Variants in SRSF12 observed in about 807,000 individuals in gnomAD.
The protein encoded by SRSF12 is serine and arginine rich splicing factor 12.
Under a neutral mutation model 34.1 loss-of-function variants are expected in SRSF12, and 21 were observed. The ratio of observed to expected loss-of-function variants is 0.62; its 90% CI spans 0.44 to 0.89. SRSF12 has a LOEUF of 0.89. Ranked by LOEUF, SRSF12 falls within the 40% of genes least tolerant of loss-of-function variation. The pLI, the probability that SRSF12 is intolerant of heterozygous loss-of-function variation, is 0.00. For synonymous variants in SRSF12, 111 were observed against 110.8 expected (o/e 1.00, Z -0.01); for missense variants, 278 against 327.8 (o/e 0.85, Z 1.17).
rs559523547 is a variant in SRSF12, at chr6:89,101,539, T to A, written c.417-2592A>T. ...GAGTTCCAGACCAGCCTGGCCAACA[T>A]GGAGAAACTCCGCCTCTACTAAAAA... On this transcript the variant is annotated intron_variant, in intron 4 of 4. Transcript: ENST00000452027. Among the ~76,000 whole-genome samples, 879 of 152,020 alleles carry A rather than the reference T, an allele frequency of 5.8e-3. 7 individuals are homozygous for A. The highest frequency in any genetic ancestry group is 0.019 in the South Asian group (93 of 4,810).
At chr6:89,111,628 T>C (rs898210172) in intron 1 of SRSF12, among the ~76,000 whole-genome samples, 7 of 152,168 alleles carry the variant, frequency 4.6e-5, no homozygotes, top group African/African-American at 1.7e-4. Flanking sequence ...TTGTATTTTA[T>C]ATCTTTTTTC....
chr6:89,103,121 A>G (rs140908388), intron 4 of SRSF12, among the ~76,000 whole-genome samples: 48 of 152,244 alleles, frequency 3.2e-4, no homozygotes, highest in Non-Finnish European at 6.5e-4. Flanking sequence ...CAATGGTCTT[A>G]TAACAAGTAC....
At chr6:89,099,692 C>T (rs191833649) in intron 4 of SRSF12, among the ~76,000 whole-genome samples, 196 of 152,072 alleles carry the variant, frequency 1.3e-3, no homozygotes, top group Non-Finnish European at 2.4e-3. Context: ...TGCGCCACCA[C>T]GCCCAGCTAA....
At chr6:89,111,820 A>G (rs1769062440) in intron 1 of SRSF12, among the ~76,000 whole-genome samples, 1 of 152,102 alleles carries the variant, frequency 6.6e-6, no homozygotes, top group Admixed American at 6.5e-5. Flanking sequence ...TAGTTTGCTC[A>G]CACGTTTTGT....
intron 1 of SRSF12, 85 bp from the exon 2 acceptor site, chr6:89,107,343 A>G: frequency 9.8e-7 from 1 of 1,020,892 alleles, no homozygotes; most frequent in South Asian, 1.5e-5. Context: ...GAAACCTTCA[A>G]AAGAAAGAAC....
chr6:89,115,647 T>A (rs7452913), intron 1 of SRSF12, among the ~76,000 whole-genome samples: 5 of 129,032 alleles, frequency 3.9e-5, no homozygotes, highest in East Asian at 4.8e-4. Context: ...TTTTTTTTTT[T>A]TTTTTTGAGA....
Position 89,098,652 on chromosome 6 carries a change from C to T in SRSF12, c.712G>A (p.Val238Ile). Residue 238 changes from valine to isoleucine, a missense_variant, in exon 5 of 5, where the codon GTA (valine) becomes ATA (isoleucine). Transcript: ENST00000452027. ...AAATGAGAATGCTTTGCTGTTTGTA[C>T]TTTAGTTTCAGAATTGGTATACCCT... is the stretch of plus-strand genomic sequence containing the variant. ...PKGYTNSETK[V>I]QTAKHSHFRS... 1.2e-6 allele frequency: 2 copies of T among 1,613,936 alleles called. No individual in the cohort carries two copies. The highest frequency in any genetic ancestry group is 1.7e-6 in the Non-Finnish European group (2 of 1,179,868).
intron 1 of SRSF12, among the ~76,000 whole-genome samples, chr6:89,115,631 CTTTTTTTTTTTTTTTT>C (rs760005395): frequency 3.3e-4 from 42 of 129,006 alleles, no homozygotes; most frequent in Non-Finnish European, 4.8e-5. Context: ...TTTTTTCTTT[CTTTTTTTTTTTTTTTT>C]TTTTTTGAGA....
chr6:89,113,032 T>C (rs1273456878), intron 1 of SRSF12, among the ~76,000 whole-genome samples: 2 of 152,232 alleles, frequency 1.3e-5, no homozygotes, highest in Non-Finnish European at 2.9e-5. Flanking sequence ...GGCTTTACTG[T>C]GTAGTAGGTT....
chr6:89,099,424 ATGTGTG>A (rs200950397), intron 4 of SRSF12, among the ~76,000 whole-genome samples: 2 of 139,168 alleles, frequency 1.4e-5, no homozygotes, highest in African/African-American at 2.7e-5. Flanking sequence ...ACATATATAT[ATGTGTG>A]TATATATATA....
intron 1 of SRSF12, among the ~76,000 whole-genome samples, chr6:89,111,104 C>T (rs1053092314): frequency 7.3e-6 from 1 of 136,746 alleles, no homozygotes; most frequent in African/African-American, 3.4e-5. Flanking sequence ...CAGGGTGAGA[C>T]TTGTCTTTTT....
intron 4 of SRSF12, among the ~76,000 whole-genome samples, chr6:89,099,457 T>TATATATATACACAC (rs1491447790): frequency 1.4e-5 from 2 of 145,326 alleles, no homozygotes; most frequent in East Asian, 2.2e-4. Context: ...TATATGTGTG[T>TATATATATACACAC]ATATATGTGT....
Position 89,112,262 on chromosome 6 carries a change from TTC to T in SRSF12, c.66-5006_66-5005del, listed in dbSNP as rs563079699. On this transcript the variant is annotated intron_variant, in intron 1 of 4. Transcript: ENST00000452027. ...CTTTAGTTCTTGTGTTCAATTTCATTTCTGTCAAATTTTACACTAATTCACAA... is the reference window on the plus strand; with the variant it reads ...CTTTAGTTCTTGTGTTCAATTTCATTTGTCAAATTTTACACTAATTCACAA... Among the ~76,000 whole-genome samples the T allele has an allele frequency of 1.1e-4, 16 of 152,306 alleles. No homozygotes were observed. In the South Asian group the frequency reaches 3.3e-3, roughly 32 times the overall value.
At chr6:89,117,764 G>A (rs1345716857) in intron 1 of SRSF12, 59 bp downstream of exon 1, 5 of 1,484,896 alleles carry the variant, frequency 3.4e-6, no homozygotes, top group Non-Finnish European at 3.6e-6. Flanking sequence ...CGTGCTCCGC[G>A]GCGCGGCTGT....
chr6:89,114,985 A>G (rs1477284872), intron 1 of SRSF12, among the ~76,000 whole-genome samples: 1 of 151,946 alleles, frequency 6.6e-6, no homozygotes, highest in Non-Finnish European at 1.5e-5. Flanking sequence ...TTTAGTAGAG[A>G]CGGTGTTTTA....
chr6:89,115,595 C>T lies in SRSF12; in HGVS notation c.65+2228G>A, dbSNP rs1769252411. On this transcript the variant is annotated intron_variant, in intron 1 of 4. Coordinates refer to ENST00000452027, the MANE Select transcript of SRSF12 (RefSeq NM_080743.5). ...CCGCGCCCAGCCTTATATTTTACAG[C>T]TTTCAAATCTACAAATGGGGTTTTC... 2.0e-5 allele frequency among the ~76,000 whole-genome samples: 3 copies of T among 147,936 alleles called. No individual in the cohort carries two copies. In the Admixed American group the frequency reaches 2.0e-4, roughly 10 times the overall value.
In SRSF12 at chr6:89,098,735, G is replaced by C; in HGVS notation, c.629C>G (p.Ser210Ter). ...GTCAGAATGTCTTCCATGTGATCTT[G>C]ATTTTGTTCCTGAGCTAGTCTGCTT... ...PQKQTSSGTK[S>*]RSHGRHSDSI... Residue 210 changes from serine to a stop codon, truncating the protein, a stop_gained, in exon 5 of 5, where the codon TCA (serine) becomes TGA (stop). Coordinates refer to ENST00000452027, the MANE Select transcript of SRSF12 (RefSeq NM_080743.5). LOFTEE classifies it high-confidence loss of function. 3 of 1,613,942 alleles carry C rather than the reference G, an allele frequency of 1.9e-6. No homozygotes were observed. Among genetic ancestry groups the C allele is most frequent in the Non-Finnish European group, 2.5e-6 (3 of 1,179,872 alleles).
chr6:89,099,056 T>A, intron 4 of SRSF12, 109 bp from the exon 5 acceptor site: 1 of 1,294,582 alleles, frequency 7.7e-7, no homozygotes, highest in African/African-American at 1.5e-5. Context: ...ATATTTTTAC[T>A]AGATAAGCTA....
intron 1 of SRSF12, among the ~76,000 whole-genome samples, chr6:89,109,659 T>C (rs1768955095): frequency 6.6e-6 from 1 of 152,206 alleles, no homozygotes; most frequent in Admixed American, 6.5e-5. Context: ...AACAGGTCTT[T>C]TCAAAAGAGC....
Sources: gnomAD v4.1 joint callset for allele counts (sites outside exome capture counted in the v4.1 genomes callset) on GRCh38, gnomAD v4.1.1 for gene constraint, MANE v1.5 for transcripts, NCBI Gene and HGNC (gene_info 2026-07-23, HGNC 2026-07-21) for gene names.